CADM2: variants seen among roughly 807,000 people sequenced by gnomAD.
CADM2 encodes the protein cell adhesion molecule 2.
CADM2 carries 12 observed loss-of-function variants against 49.8 expected under a neutral mutation model. The ratio of observed to expected loss-of-function variants is 0.24; its 90% CI spans 0.15 to 0.39. CADM2 has a LOEUF of 0.39. Ranked by LOEUF, CADM2 falls within the 10% of genes least tolerant of loss-of-function variation. The probability of loss-of-function intolerance (pLI) is 1.00; values close to 1 mark genes in which losing one functional copy is unlikely to be tolerated. For missense variants in CADM2, 378 were observed against 492.3 expected, an observed-to-expected ratio of 0.77 and a Z score of 2.20; for synonymous variants, 214 against 175.4, an observed-to-expected ratio of 1.22 and a Z score of -1.74.
At chr3:86,056,335 A>T (rs1014031196) in intron 8 of CADM2, among the ~76,000 whole-genome samples, 1 of 152,258 alleles carries the variant, frequency 6.6e-6, no homozygotes, top group African/African-American at 2.4e-5. Context: ...CCAGCAAAAA[A>T]GATCGCTGAA....
chr3:85,989,520 G>A (rs1294162099), intron 8 of CADM2, among the ~76,000 whole-genome samples: 1 of 152,116 alleles, frequency 6.6e-6, no homozygotes, highest in Non-Finnish European at 1.5e-5. Flanking sequence ...CAAGGTCATT[G>A]CAGAGAAGTC....
At chr3:85,061,779 G>T (rs913895835) in intron 1 of CADM2, among the ~76,000 whole-genome samples, 5 of 151,914 alleles carry the variant, frequency 3.3e-5, no homozygotes, top group Admixed American at 3.3e-4. Context: ...ATTTGTGTTC[G>T]GTATTGCAAT....
intron 1 of CADM2, among the ~76,000 whole-genome samples, chr3:84,980,745 C>T (rs1050574420): frequency 1.2e-4 from 18 of 151,962 alleles, no homozygotes; most frequent in Admixed American, 6.6e-5. Flanking sequence ...GGTGTTTCAC[C>T]TTAGAAATGA....
chr3:85,038,765 T>C (rs1472482277), intron 1 of CADM2, among the ~76,000 whole-genome samples: 1 of 152,166 alleles, frequency 6.6e-6, no homozygotes, highest in Non-Finnish European at 1.5e-5. Context: ...AATTATAATC[T>C]AGTGGGAATA....
chr3:85,768,446 AAAATAAATAAAT>A (rs200753994), intron 2 of CADM2, among the ~76,000 whole-genome samples: 1 of 135,502 alleles, frequency 7.4e-6, no homozygotes, highest in Non-Finnish European at 1.5e-5. Flanking sequence ...ACTCCATCTC[AAAATAAATAAAT>A]AAATAAATAA....
At chr3:85,803,500 A>AATAGATAGATAGATAGATAGATAG (rs3044105) in intron 3 of CADM2, among the ~76,000 whole-genome samples, 7 of 149,422 alleles carry the variant, frequency 4.7e-5, no homozygotes, top group African/African-American at 7.4e-5. Flanking sequence ...TAGATAGATA[A>AATAGATAGATAGATAGATAGATAG]ATAGATAGAT....
At chr3:85,538,336 G>A (rs2061467123) in intron 1 of CADM2, among the ~76,000 whole-genome samples, 1 of 152,062 alleles carries the variant, frequency 6.6e-6, no homozygotes, top group Admixed American at 6.6e-5. Context: ...CAACAGCTCT[G>A]TGAAGTGAGA....
At chr3:85,437,935 T>G (rs2037008729) in intron 1 of CADM2, among the ~76,000 whole-genome samples, 1 of 152,024 alleles carries the variant, frequency 6.6e-6, no homozygotes, top group African/African-American at 2.4e-5. Context: ...CAGAAAAGTT[T>G]ACTGAAGAAA....
At chr3:86,039,268 G>T (rs188101087) in intron 8 of CADM2, among the ~76,000 whole-genome samples, 45 of 152,286 alleles carry the variant, frequency 3.0e-4, no homozygotes, top group African/African-American at 1.1e-3. Context: ...GCAGGGTGAG[G>T]CATTGCCTCA....
chr3:85,737,320 G>T (rs2068180956), intron 2 of CADM2, among the ~76,000 whole-genome samples: 1 of 152,034 alleles, frequency 6.6e-6, no homozygotes, highest in Admixed American at 6.5e-5. Flanking sequence ...TAGGTGGGAG[G>T]AAACTTTATA....
chr3:85,392,093 A>C (rs554227486), intron 1 of CADM2, among the ~76,000 whole-genome samples: 1 of 152,258 alleles, frequency 6.6e-6, no homozygotes, highest in African/African-American at 2.4e-5. Flanking sequence ...AATATTTTCA[A>C]AATCACTTAA....
At chr3:85,324,544 A>T (rs982389660) in intron 1 of CADM2, among the ~76,000 whole-genome samples, 4 of 152,192 alleles carry the variant, frequency 2.6e-5, no homozygotes, top group Non-Finnish European at 4.4e-5. Context: ...GTAAAACCAC[A>T]CTTTCATTAA....
intron 1 of CADM2, among the ~76,000 whole-genome samples, chr3:85,130,532 C>T (rs989817480): frequency 2.6e-5 from 4 of 152,080 alleles, no homozygotes; most frequent in Non-Finnish European, 4.4e-5. Flanking sequence ...ATTGATGAAG[C>T]CAGATACAGC....
At chr3:85,065,447 A>G (rs1285922512) in intron 1 of CADM2, among the ~76,000 whole-genome samples, 1 of 152,060 alleles carries the variant, frequency 6.6e-6, no homozygotes, top group East Asian at 1.9e-4. Context: ...TCTGGTTCCC[A>G]GATTTCTCAT....
chr3:85,763,623 A>C (rs2107912854), intron 2 of CADM2, among the ~76,000 whole-genome samples: 1 of 152,254 alleles, frequency 6.6e-6, no homozygotes, highest in South Asian at 2.1e-4. Context: ...CATTTTGACC[A>C]CTGCACAACT....
At chr3:85,034,962 C>T (rs905237105) in intron 1 of CADM2, among the ~76,000 whole-genome samples, 3 of 151,630 alleles carry the variant, frequency 2.0e-5, no homozygotes, top group Admixed American at 1.3e-4. Flanking sequence ...ACCACCACAC[C>T]GGGCTAATTT....
In CADM2 at chr3:85,079,651, C is replaced by G. The variant is rs77188266; in HGVS notation, c.61+119983C>G. ...TGCAACACAGTCATTATCCTTTGGGCACATAATTTCAATTTCTGTAGTTTT... is the reference window on the plus strand; with the variant it reads ...TGCAACACAGTCATTATCCTTTGGGGACATAATTTCAATTTCTGTAGTTTT... On this transcript the variant is annotated intron_variant, in intron 1 of 9. Transcript: ENST00000383699. Among the ~76,000 whole-genome samples, 874 of 151,740 alleles carry G rather than the reference C, an allele frequency of 5.8e-3. 43 individuals carry two copies. The East Asian group carries it at 0.12, about 21-fold the overall frequency.
intron 1 of CADM2, among the ~76,000 whole-genome samples, chr3:85,690,494 G>C (rs1162429504): frequency 1.3e-5 from 2 of 151,938 alleles, no homozygotes; most frequent in Non-Finnish European, 2.9e-5. Context: ...AGTAAATGGG[G>C]GTGGGGGGAG....
intron 1 of CADM2, among the ~76,000 whole-genome samples, chr3:85,369,635 A>G (rs2033051525): frequency 1.3e-5 from 2 of 152,186 alleles, no homozygotes; most frequent in Admixed American, 6.5e-5. Flanking sequence ...TGTGTATGTA[A>G]AAACTTAGAC....
Sources: gnomAD v4.1 joint callset for allele counts (sites outside exome capture counted in the v4.1 genomes callset) on GRCh38, gnomAD v4.1.1 for gene constraint, MANE v1.5 for transcripts, NCBI Gene and HGNC (gene_info 2026-07-23, HGNC 2026-07-21) for gene names.